The following ZBTB25 variants were observed in gnomAD, a reference collection of about 807,000 sequenced individuals.
ZBTB25 encodes zinc finger and BTB domain containing 25, also known as zinc finger and BTB domain-containing protein 25.
In ZBTB25, 20 loss-of-function variants were observed where a neutral mutation model predicts 34.2. That is an observed-to-expected ratio of 0.58 (90% CI 0.41 to 0.85). The LOEUF is 0.85. Among genes scored for constraint, ZBTB25 ranks in the 40% least tolerant of loss-of-function variants. The pLI is 0.00. For missense variants in ZBTB25, 437 were observed against 521.8 expected (o/e 0.84, Z 1.58); for synonymous variants, 175 against 186.4 (o/e 0.94, Z 0.50).
chr14:64,500,283 T>C (rs1430549639), intron 1 of ZBTB25, among the ~76,000 whole-genome samples: 1 of 152,010 alleles, frequency 6.6e-6, no homozygotes, highest in East Asian at 1.9e-4. Context: ...GGAAGTATAC[T>C]CCCATGAACA....
chr14:64,503,027 T>A (rs964744520), intron 1 of ZBTB25: 3 of 985,304 alleles, frequency 3.0e-6, no homozygotes, highest in Non-Finnish European at 3.6e-6. Context: ...TGCCGTCAGG[T>A]TCCAGGTACT....
chr14:64,502,180 G>T (rs2079519472), intron 1 of ZBTB25, among the ~76,000 whole-genome samples: 1 of 152,284 alleles, frequency 6.6e-6, no homozygotes, highest in South Asian at 2.1e-4. Flanking sequence ...AGTAAACAGC[G>T]GCCAACTTGA....
chr14:64,466,341 A>G (rs1215556751), intron 2 of ZBTB25, among the ~76,000 whole-genome samples: 1 of 152,206 alleles, frequency 6.6e-6, no homozygotes, highest in Non-Finnish European at 1.5e-5. Flanking sequence ...TTTTATTTCT[A>G]GTATGTGAGA....
Position 64,486,559 on chromosome 14 carries a change from G to A in ZBTB25, c.*364C>T, listed in dbSNP as rs949766658. On this transcript the variant is annotated 3_prime_UTR_variant, in exon 3 of 3. Transcript: ENST00000608382. Reference sequence around the variant, plus strand: ...AAATGTAGGCAGAAGTGATAGTTTAGAATATGCTTTAAAACAGATTTCATT... The same window carrying A: ...AAATGTAGGCAGAAGTGATAGTTTAAAATATGCTTTAAAACAGATTTCATT... 1.1e-6 allele frequency: 1 copy of A among 948,750 alleles called. No homozygotes were observed. The highest frequency in any genetic ancestry group is 1.8e-5 in the African/African-American group (1 of 57,128). 58.8% of individuals were successfully genotyped at this position (948,750 alleles called of 1,614,324 possible). A position where few individuals can be genotyped will look rare whatever the true frequency, so the allele number is the denominator to read the frequency against.
At chr14:64,466,640 A>C (rs1566586062) in intron 2 of ZBTB25, among the ~76,000 whole-genome samples, 1 of 152,322 alleles carries the variant, frequency 6.6e-6, no homozygotes, top group East Asian at 1.9e-4. Context: ...AGAGGCACAC[A>C]GTATGAAACA....
intron 2 of ZBTB25, chr14:64,460,047 C>A: frequency 1.2e-6 from 1 of 859,920 alleles, no homozygotes; most frequent in Non-Finnish European, 1.8e-6. Flanking sequence ...ACAGACTGTG[C>A]CACAGGTCTC....
rs1458692341 is a variant in ZBTB25 at position 64,487,431 on chromosome 14, A to G, written c.800T>C (p.Phe267Ser). 5.0e-6 allele frequency: 8 copies of G among 1,614,130 alleles called. No individual in the cohort carries two copies. The South Asian group carries it at 7.7e-5, about 16-fold the overall frequency. ...LHTHVSGSLP[F>S]GVPASILESN... is the part of the protein sequence containing the mutation. ...TTCCAGAATGGAAGCAGGGACACCG[A>G]ATGGCAGGGATCCAGACACATGTGT... The change falls in exon 3 of 3, where the codon TTC (phenylalanine) becomes TCC (serine). Residue 267 changes from phenylalanine (F) to serine (S), a missense_variant. Transcript: ENST00000608382.
At position 64,485,512 on chromosome 14, in the gene ZBTB25, A is replaced by G. The variant is rs560139807; in HGVS notation, c.*1411T>C. 56 of 985,410 alleles carry G rather than the reference A, an allele frequency of 5.7e-5. No individual in the cohort carries two copies. The highest frequency in any genetic ancestry group is 5.2e-4 in the Middle Eastern group (1 of 1,914). The allele number at this position is 985,410 out of a possible 1,614,324, so 61.0% of individuals were successfully genotyped here. A position where few individuals can be genotyped will look rare whatever the true frequency, so the allele number is the denominator to read the frequency against. ...AGCCGGGGAATCTGTTATTTCTTTCATCAACTTTAATTTTCCTGGGGTTTT... is the reference window on the plus strand; with the variant it reads ...AGCCGGGGAATCTGTTATTTCTTTCGTCAACTTTAATTTTCCTGGGGTTTT... On this transcript the variant is annotated 3_prime_UTR_variant, in exon 3 of 3. Coordinates refer to ENST00000608382, the MANE Select transcript of ZBTB25 (RefSeq NM_006977.5).
Position 64,487,373 on chromosome 14 carries a change from A to G in ZBTB25, c.858T>C (p.Asn286=). The part of the protein sequence containing the change: ...SNDLGEVHPL[N]ENSEALECRR... ...GGCATTCAAGGGCCTCGCTGTTTTC[A>G]TTAAGGGGATGCACTTCACCAAGGT... The change falls in exon 3 of 3, where the codon AAT becomes AAC. Residue 286 remains asparagine (N), a synonymous_variant. Coordinates refer to ENST00000608382, the MANE Select transcript of ZBTB25 (RefSeq NM_006977.5). 1 of 1,614,134 alleles carries G rather than the reference A, an allele frequency of 6.2e-7. No homozygotes were observed. The highest frequency in any genetic ancestry group is 8.5e-7 in the Non-Finnish European group (1 of 1,180,014).
In ZBTB25 at chr14:64,454,962, G is replaced by C. The variant is rs745868218; in HGVS notation, c.174-5324C>G. On this transcript the variant is annotated intron_variant, in intron 2 of 2. Coordinates refer to the ZBTB25 transcript ENST00000555220. ...CGAAACCATCAAGCAAATGCCAAGT[G>C]AGCAGAGTTCACTGCCCAGAAGAAA... 24 of 1,396,578 alleles carry C rather than the reference G, an allele frequency of 1.7e-5. No homozygotes were observed. The East Asian group carries it at 4.6e-4, about 26-fold the overall frequency. The allele number at this position is 1,396,578 out of a possible 1,614,324, so 86.5% of individuals were successfully genotyped here.
chr14:64,461,573 C>CTTTTTTTTTTT (rs10690989), intron 2 of ZBTB25: 1 of 94,998 alleles, frequency 1.1e-5, no homozygotes, highest in Non-Finnish European at 1.9e-5. Context: ...TTTTTTTTTC[C>CTTTTTTTTTTT]TTTTTTTTTT....
chr14:64,487,442 T>C lies in ZBTB25; in HGVS notation c.789A>G (p.Gly263=), dbSNP rs764545776. ...LRQHLHTHVS[G]SLPFGVPASI... ...AAGCAGGGACACCGAATGGCAGGGATCCAGACACATGTGTATGGAGATGTT... is the reference window on the plus strand; with the variant it reads ...AAGCAGGGACACCGAATGGCAGGGACCCAGACACATGTGTATGGAGATGTT... Residue 263 remains glycine, a synonymous_variant, in exon 3 of 3, where the codon GGA becomes GGG. Transcript: ENST00000608382. The C allele has an allele frequency of 6.2e-7, 1 of 1,614,160 alleles. No homozygotes were observed. The highest frequency in any genetic ancestry group is 1.1e-5 in the South Asian group (1 of 91,082).
chr14:64,454,196 T>A (rs1330121247), intron 2 of ZBTB25, among the ~76,000 whole-genome samples: 3 of 152,234 alleles, frequency 2.0e-5, no homozygotes, highest in Non-Finnish European at 4.4e-5. Context: ...CACTGCAGCC[T>A]CTGACTCCTA....
chr14:64,455,078 T>C, intron 2 of ZBTB25: 1 of 596,716 alleles, frequency 1.7e-6, no homozygotes, highest in South Asian at 1.9e-5. Context: ...TGGTGTCAAA[T>C]CAAGAATGAT....
rs183578895 is a variant in ZBTB25 at position 64,486,163 on chromosome 14, G to C, written c.*760C>G. On this transcript the variant is annotated 3_prime_UTR_variant, in exon 3 of 3. Coordinates refer to ENST00000608382, the MANE Select transcript of ZBTB25 (RefSeq NM_006977.5). ...AAAAATACAAAAAAATTAGCTGGGC[G>C]TGGTGGCGGGCGCCTGTAGTCCCAG... 1 of 654,824 alleles carries C rather than the reference G, an allele frequency of 1.5e-6. No individual in the cohort carries two copies. The highest frequency in any genetic ancestry group is 6.8e-5 in the South Asian group (1 of 14,604). The allele number at this position is 654,824 out of a possible 1,614,324, so 40.6% of individuals were successfully genotyped here. A position where few individuals can be genotyped will look rare whatever the true frequency, so the allele number is the denominator to read the frequency against.
downstream of ZBTB25, among the ~76,000 whole-genome samples, chr14:64,477,011 T>A (rs555527198): frequency 5.3e-5 from 8 of 152,338 alleles, no homozygotes; most frequent in South Asian, 1.7e-3. Flanking sequence ...TTAATACAAG[T>A]TCTACCAATT....
chr14:64,482,222 A>G lies in ZBTB25; in HGVS notation c.*4701T>C, dbSNP rs10145001. On this transcript the variant is annotated 3_prime_UTR_variant, in exon 3 of 3. Transcript: ENST00000608382. The stretch of plus-strand genomic sequence containing the variant: ...AATCCCAGCACTTTGGGAGGCTGAG[A>G]TAGGCAGATCACAAGGTCAGGAGTT... The G allele has an allele frequency of 0.28, 42,656 of 151,900 alleles. 6,421 individuals carry two copies. The highest frequency in any genetic ancestry group is 0.43 in the East Asian group (2,204 of 5,132). 9.4% of individuals were successfully genotyped at this position (151,900 alleles called of 1,614,324 possible).
At chr14:64,469,685 C>T (rs2078647390) in intron 2 of ZBTB25, 1 of 1,535,970 alleles carries the variant, frequency 6.5e-7, no homozygotes, top group African/African-American at 1.4e-5. Context: ...GTGACTTACT[C>T]TCCAGAGTCA....
chr14:64,498,697 G>T (rs1444437667), intron 1 of ZBTB25, among the ~76,000 whole-genome samples: 1 of 151,742 alleles, frequency 6.6e-6, no homozygotes, highest in Non-Finnish European at 1.5e-5. Flanking sequence ...GCAGTGGCAC[G>T]ATCTCGGCTC....
Sources: allele counts gnomAD v4.1 joint callset (sites outside exome capture counted in the v4.1 genomes callset), GRCh38; gene constraint gnomAD v4.1.1; transcripts MANE v1.5; gene names NCBI Gene and HGNC (gene_info 2026-07-23, HGNC 2026-07-21).